Variants in MTRFR observed in about 807,000 individuals in gnomAD.
MTRFR encodes probable peptide chain release factor C12orf65, mitochondrial.
MTRFR carries 10 observed loss-of-function variants against 11.9 expected under a neutral mutation model. The observed-to-expected ratio is 0.84, with a 90% confidence interval of 0.52 to 1.42. MTRFR has a LOEUF of 1.42. MTRFR is among the 40% of genes most tolerant of loss of function. The probability of loss-of-function intolerance (pLI) is 0.00; values close to 1 mark genes in which losing one functional copy is unlikely to be tolerated. For synonymous variants in MTRFR, 77 were observed against 79.1 expected, an observed-to-expected ratio of 0.97 and a Z score of 0.14; for missense variants, 196 against 197.9, an observed-to-expected ratio of 0.99 and a Z score of 0.06.
chr12:123,255,506 G>T (rs1197829437), intron 2 of MTRFR, among the ~76,000 whole-genome samples: 2 of 151,976 alleles, frequency 1.3e-5, no homozygotes, highest in Non-Finnish European at 2.9e-5. Context: ...AGCCAGGTTG[G>T]AGTGCAGTGG....
intron 1 of MTRFR, among the ~76,000 whole-genome samples, chr12:123,241,839 G>C (rs935012711): frequency 3.3e-5 from 5 of 152,184 alleles, no homozygotes; most frequent in African/African-American, 1.2e-4. Flanking sequence ...GTTGAATTTG[G>C]AAGCTGGAGG....
chr12:123,249,832 G>A (rs566621893), intron 1 of MTRFR: 1 of 152,292 alleles, frequency 6.6e-6, no homozygotes, highest in Non-Finnish European at 1.5e-5. Flanking sequence ...CTCTCATTTG[G>A]ATAACCTGAT....
intron 1 of MTRFR, 190 bp from the exon 2 acceptor site, chr12:123,253,457 T>C (rs1049270901): frequency 1.7e-6 from 1 of 588,340 alleles, no homozygotes; most frequent in Non-Finnish European, 3.0e-6. Context: ...CCTGGTAACA[T>C]GGCAGACAGT....
intron 2 of MTRFR, among the ~76,000 whole-genome samples, chr12:123,255,490 T>C (rs1199929810): frequency 3.3e-5 from 5 of 152,152 alleles, no homozygotes; most frequent in Admixed American, 3.3e-4. Context: ...AGGGTCTTGT[T>C]TTGTCAGCCA....
intron 2 of MTRFR, chr12:123,254,638 A>T (rs2048162499): frequency 1.3e-5 from 2 of 152,068 alleles, no homozygotes; most frequent in South Asian, 2.1e-4. Context: ...CTTTTTACAT[A>T]AAAAAACAAG....
At chr12:123,235,806 G>A (rs1034232900) in intron 1 of MTRFR, among the ~76,000 whole-genome samples, 2 of 151,642 alleles carry the variant, frequency 1.3e-5, no homozygotes, top group African/African-American at 4.8e-5. Flanking sequence ...GCTCATGCCT[G>A]TACTCCCAGC....
chr12:123,253,120 C>A (rs1222558716), intron 1 of MTRFR, among the ~76,000 whole-genome samples: 1 of 82,002 alleles, frequency 1.2e-5, no homozygotes, highest in Non-Finnish European at 2.3e-5. Flanking sequence ...GACACTGTCT[C>A]GCTCTGTTGT....
intron 1 of MTRFR, among the ~76,000 whole-genome samples, chr12:123,253,070 ATTTTTTTTTTTTTTTTTTTTTT>A (rs71085872): frequency 2.9e-4 from 10 of 34,844 alleles, no homozygotes; most frequent in South Asian, 1.1e-3. Flanking sequence ...GTTCCTTTGA[ATTTTTTTTTTTTTTTTTTTTTT>A]TTTTTTTTTT....
At position 123,252,880 on chromosome 12, in the gene MTRFR, G is replaced by A. The variant is rs952456785; in HGVS notation, c.-28-767G>A. ...GCGGAGGTTGCAGTGAGCCAAGATCGCGCCATCGCACTCCAGCCTGGGCGA... is the reference window on the plus strand; with the variant it reads ...GCGGAGGTTGCAGTGAGCCAAGATCACGCCATCGCACTCCAGCCTGGGCGA... On this transcript the variant is annotated intron_variant, in intron 1 of 2. Transcript: ENST00000253233. Among the ~76,000 whole-genome samples, 8 of 151,920 alleles carry A rather than the reference G, an allele frequency of 5.3e-5. No individual in the cohort carries two copies. In the South Asian group the frequency reaches 8.3e-4, roughly 16 times the overall value.
chr12:123,253,979 G>A (rs2048150825), intron 2 of MTRFR, 23 bp downstream of exon 2: 2 of 1,613,272 alleles, frequency 1.2e-6, no homozygotes, highest in Non-Finnish European at 1.7e-6. Flanking sequence ...AGGCCGCTGA[G>A]GGGAGAGGCC....
At chr12:123,240,354 A>G (rs1166438159) in intron 1 of MTRFR, among the ~76,000 whole-genome samples, 2 of 152,132 alleles carry the variant, frequency 1.3e-5, no homozygotes, top group African/African-American at 4.8e-5. Flanking sequence ...TCTAAAAAAA[A>G]AAGAAGAAGA....
chr12:123,237,870 AACT>A (rs1263651145), intron 1 of MTRFR, among the ~76,000 whole-genome samples: 3 of 151,686 alleles, frequency 2.0e-5, no homozygotes, highest in Non-Finnish European at 4.4e-5. Context: ...CTTTCTTTTT[AACT>A]ACCATTTTAC....
Position 123,246,709 on chromosome 12 carries a change from A to ATTTTTTTTTTTTTTTTTTTTTTTTTT in MTRFR, c.-28-6924_-28-6899dup, listed in dbSNP as rs1157677577. On this transcript the variant is annotated intron_variant, in intron 1 of 2. Transcript: ENST00000253233. ...TGAGAGAGTGCTTGATATAATTTCA[A>ATTTTTTTTTTTTTTTTTTTTTTTTTT]TTTTTTTTTTTTTTTTTTTTTTTTT... Among the ~76,000 whole-genome samples the ATTTTTTTTTTTTTTTTTTTTTTTTTT allele has an allele frequency of 3.7e-5, 2 of 53,456 alleles. 1 individual carries two copies. Among genetic ancestry groups the ATTTTTTTTTTTTTTTTTTTTTTTTTT allele is most frequent in the African/African-American group, 1.9e-4 (2 of 10,638 alleles). 35.1% of individuals were successfully genotyped at this position (53,456 alleles called of 152,430 possible).
chr12:123,247,018 C>CGGTG (rs1565994983), intron 1 of MTRFR, among the ~76,000 whole-genome samples: 3 of 151,884 alleles, frequency 2.0e-5, no homozygotes, highest in African/African-American at 4.8e-5. Context: ...CGTGAGCCAC[C>CGGTG]GCTCACGCCT....
chr12:123,250,567 G>T lies in MTRFR; in HGVS notation c.-28-3080G>T, dbSNP rs556148792. On this transcript the variant is annotated intron_variant, in intron 1 of 2. Coordinates refer to ENST00000253233, the MANE Select transcript of MTRFR (RefSeq NM_152269.5). ...GGGTGTTCTCTTCATGTAGTACTCTGCCCCTTTTCCTATGGATGTGGCTTC... is the reference window on the plus strand; with the variant it reads ...GGGTGTTCTCTTCATGTAGTACTCTTCCCCTTTTCCTATGGATGTGGCTTC... 4.6e-5 allele frequency: 7 copies of T among 152,282 alleles called. No homozygotes were observed. In the East Asian group the frequency reaches 1.4e-3, roughly 29 times the overall value. The allele number at this position is 152,282 out of a possible 1,614,324, so 9.4% of individuals were successfully genotyped here.
chr12:123,242,445 T>G (rs2047955046), intron 1 of MTRFR, among the ~76,000 whole-genome samples: 1 of 152,250 alleles, frequency 6.6e-6, no homozygotes, highest in South Asian at 2.1e-4. Flanking sequence ...GACTTTGGAT[T>G]ACTCTGTATC....
intron 1 of MTRFR, among the ~76,000 whole-genome samples, chr12:123,239,609 A>G (rs191449668): frequency 2.6e-5 from 4 of 152,054 alleles, no homozygotes; most frequent in Non-Finnish European, 4.4e-5. Flanking sequence ...TCACCGTGTT[A>G]GCCAGGATGG....
chr12:123,246,373 T>C (rs2048040398), intron 1 of MTRFR, among the ~76,000 whole-genome samples: 1 of 152,158 alleles, frequency 6.6e-6, no homozygotes, highest in South Asian at 2.1e-4. Context: ...CCATCTTGAT[T>C]TTGTTTTTGA....
chr12:123,249,087 A>G (rs1450387215), intron 1 of MTRFR: 1 of 152,166 alleles, frequency 6.6e-6, no homozygotes, highest in Non-Finnish European at 1.5e-5. Flanking sequence ...TTAGCTAGAC[A>G]TAGAGCACTG....
Sources: gnomAD v4.1 joint callset for allele counts (sites outside exome capture counted in the v4.1 genomes callset) on GRCh38, gnomAD v4.1.1 for gene constraint, MANE v1.5 for transcripts, NCBI Gene and HGNC (gene_info 2026-07-23, HGNC 2026-07-21) for gene names.